The following DIPK1C variants were observed in gnomAD, a reference collection of about 807,000 sequenced individuals.
The protein encoded by DIPK1C is divergent protein kinase domain 1C.
DIPK1C carries 33 observed loss-of-function variants against 28.0 expected under a neutral mutation model. The observed-to-expected ratio is 1.18, with a 90% confidence interval of 0.89 to 1.58. DIPK1C has a LOEUF of 1.58. DIPK1C is among the 40% of genes most tolerant of loss of function. The probability of loss-of-function intolerance (pLI) is 0.00; values close to 1 mark genes in which losing one functional copy is unlikely to be tolerated. For missense variants in DIPK1C, 569 were observed against 568.5 expected (o/e 1.00, Z -0.01); for synonymous variants, 255 against 248.8 (o/e 1.02, Z -0.23).
At chr18:74,453,093 C>T (rs1476653214) in intron 1 of DIPK1C, among the ~76,000 whole-genome samples, 2 of 152,098 alleles carry the variant, frequency 1.3e-5, no homozygotes, top group East Asian at 3.8e-4. Context: ...ATGCACATTC[C>T]CATCAAATCA....
chr18:74,455,926 T>TA (rs1986502438), intron 1 of DIPK1C, among the ~76,000 whole-genome samples: 1 of 152,098 alleles, frequency 6.6e-6, no homozygotes, highest in Non-Finnish European at 1.5e-5. Flanking sequence ...CTCATTTTTT[T>TA]AAAAAACAAT....
chr18:74,460,190 T>C (rs1487105514), upstream of DIPK1C, among the ~76,000 whole-genome samples: 1 of 152,200 alleles, frequency 6.6e-6, no homozygotes, highest in African/African-American at 2.4e-5. Flanking sequence ...AGTTCCCGAC[T>C]TTCCAATTAC....
At chr18:74,459,795 T>G (rs1986590153), upstream of DIPK1C, among the ~76,000 whole-genome samples, 1 of 151,944 alleles carries the variant, frequency 6.6e-6, no homozygotes, top group Non-Finnish European at 1.5e-5. Context: ...ACAGGAGAAA[T>G]TTGCCGTTTC....
chr18:74,444,834 G>T (rs1295844727), intron 2 of DIPK1C, among the ~76,000 whole-genome samples: 1 of 152,170 alleles, frequency 6.6e-6, no homozygotes, highest in Non-Finnish European at 1.5e-5. Context: ...CTGGGGCTAG[G>T]TTGAGGACGC....
chr18:74,450,210 CA>C (rs948824654), intron 1 of DIPK1C, among the ~76,000 whole-genome samples: 5 of 151,338 alleles, frequency 3.3e-5, no homozygotes, highest in Non-Finnish European at 7.4e-5. Flanking sequence ...TAAGAAAGTG[CA>C]AAAAAAATTG....
upstream of DIPK1C, among the ~76,000 whole-genome samples, chr18:74,459,128 C>T (rs964168179): frequency 3.9e-5 from 6 of 152,226 alleles, 1 homozygote; most frequent in African/African-American, 1.4e-4. Flanking sequence ...AAATCTCAAC[C>T]TGATGTGAAG....
chr18:74,449,552 G>C (rs1302047824), intron 1 of DIPK1C, among the ~76,000 whole-genome samples: 1 of 152,200 alleles, frequency 6.6e-6, no homozygotes, highest in African/African-American at 2.4e-5. Context: ...TGCCCCCCTG[G>C]CTTCCTGCTG....
At chr18:74,461,240 C>G (rs1986611668), upstream of DIPK1C, among the ~76,000 whole-genome samples, 2 of 152,200 alleles carry the variant, frequency 1.3e-5, no homozygotes, top group Admixed American at 1.3e-4. Context: ...AGGACAACAG[C>G]TCTTGCCCCT....
chr18:74,454,408 C>T (rs1447185025), intron 1 of DIPK1C, among the ~76,000 whole-genome samples: 1 of 152,196 alleles, frequency 6.6e-6, no homozygotes, highest in Non-Finnish European at 1.5e-5. Flanking sequence ...TGGGTTCACC[C>T]CTGCCAGGCC....
At chr18:74,459,276 T>C (rs1404764113), upstream of DIPK1C, among the ~76,000 whole-genome samples, 1 of 152,048 alleles carries the variant, frequency 6.6e-6, no homozygotes, top group Non-Finnish European at 1.5e-5. Flanking sequence ...GAACTTGAAA[T>C]CAAAATTAAC....
chr18:74,450,473 G>A (rs1986373822), intron 1 of DIPK1C, among the ~76,000 whole-genome samples: 1 of 152,180 alleles, frequency 6.6e-6, no homozygotes, highest in African/African-American at 2.4e-5. Context: ...GGGGAGATGT[G>A]GTCCTGGTTG....
At position 74,447,563 on chromosome 18, in the gene DIPK1C, C is replaced by A. The variant is rs1039747844; in HGVS notation, c.199-280G>T. 1.3e-5 allele frequency among the ~76,000 whole-genome samples: 2 copies of A among 152,212 alleles called. No individual in the cohort carries two copies. The highest frequency in any genetic ancestry group is 2.9e-5 in the Non-Finnish European group (2 of 68,036). ...GCGGCCGGGAAGCACGACTTCCCAT[C>A]GTTCAGCTGGGTGACTCCGGGAAAG... On this transcript the variant is annotated intron_variant, in intron 1 of 3. Transcript: ENST00000343998. The surrounding 1 kb of genome is among the most constrained non-coding windows in gnomAD (Gnocchi z 4.1).
At chr18:74,463,977 G>A in the DIPK1C span, among the ~76,000 whole-genome samples, 1 of 152,214 alleles carries the variant, frequency 6.6e-6, no homozygotes, top group African/African-American at 2.4e-5. Context: ...ATCTCTTAAA[G>A]ATTCTGATGG....
chr18:74,447,286 G>A lies in DIPK1C; in HGVS notation c.199-3C>T. ...GTGCCGCCCTGGTAGTCCTGGCACT[G>A]GAAGGAAGGGAACAGTCGGTCACCA... On this transcript the variant is annotated splice_region_variant and splice_polypyrimidine_tract_variant and intron_variant, in intron 1 of 3. Transcript: ENST00000343998. The surrounding 1 kb of genome is among the most constrained non-coding windows in gnomAD (Gnocchi z 4.1). 1 of 1,523,096 alleles carries A rather than the reference G, an allele frequency of 6.6e-7. No homozygotes were observed. The highest frequency in any genetic ancestry group is 1.4e-5 in the African/African-American group (1 of 72,830). The allele number at this position is 1,523,096 out of a possible 1,614,324, so 94.3% of individuals were successfully genotyped here. A position where few individuals can be genotyped will look rare whatever the true frequency, so the allele number is the denominator to read the frequency against.
intron 3 of DIPK1C, among the ~76,000 whole-genome samples, chr18:74,440,134 C>T (rs933446240): frequency 6.6e-5 from 10 of 151,894 alleles, no homozygotes; most frequent in Admixed American, 6.6e-5. Context: ...TTAACAGAGA[C>T]GGGGTTTCAC....
At chr18:74,436,787 G>T in intron 3 of DIPK1C, 68 bp from the exon 4 acceptor site, 1 of 1,421,746 alleles carries the variant, frequency 7.0e-7, no homozygotes. Context: ...CCAAGCCCAG[G>T]ATTGGTTCTG....
Position 74,436,342 on chromosome 18 carries a change from A to G in DIPK1C, c.*159T>C. 1 of 696,676 alleles carries G rather than the reference A, an allele frequency of 1.4e-6. No homozygotes were observed. The highest frequency in any genetic ancestry group is 2.3e-6 in the Non-Finnish European group (1 of 425,942). The allele number at this position is 696,676 out of a possible 1,614,324, so 43.2% of individuals were successfully genotyped here. A position where few individuals can be genotyped will look rare whatever the true frequency, so the allele number is the denominator to read the frequency against. On this transcript the variant is annotated 3_prime_UTR_variant, in exon 4 of 4. Coordinates refer to ENST00000343998, the MANE Select transcript of DIPK1C (RefSeq NM_001044369.3). ...GGCCAGGGTGGGACGAGAGCGAGGGAGCACTGTCTCTGGCAGCAGCACTTG... is the reference window on the plus strand; with the variant it reads ...GGCCAGGGTGGGACGAGAGCGAGGGGGCACTGTCTCTGGCAGCAGCACTTG...
rs377030400 is a variant in DIPK1C, at chr18:74,451,229, C to A, written c.199-3946G>T. Among the ~76,000 whole-genome samples, 7 of 152,346 alleles carry A rather than the reference C, an allele frequency of 4.6e-5. No individual in the cohort carries two copies. In the East Asian group the frequency reaches 9.6e-4, roughly 21 times the overall value. On this transcript the variant is annotated intron_variant, in intron 1 of 3. Coordinates refer to ENST00000343998, the MANE Select transcript of DIPK1C (RefSeq NM_001044369.3). The stretch of plus-strand genomic sequence containing the variant: ...CCCTGTGTGTTCAGAGAACCAGAAA[C>A]AGCCCCTGGGAGGAGAGGGCACAGT...
In DIPK1C at chr18:74,446,991, G is replaced by T. The variant is rs1169815699; in HGVS notation, c.491C>A (p.Ser164Tyr). 1 of 1,526,268 alleles carries T rather than the reference G, an allele frequency of 6.6e-7. No homozygotes were observed. Among genetic ancestry groups the T allele is most frequent in the East Asian group, 2.5e-5 (1 of 40,456 alleles). 94.5% of individuals were successfully genotyped at this position (1,526,268 alleles called of 1,614,324 possible). A position where few individuals can be genotyped will look rare whatever the true frequency, so the allele number is the denominator to read the frequency against. ...CCACCACGGCCCCAGGCTGCTGTTGGACAACTCCAGGCCCAGAGCGCTCTT... is the reference window on the plus strand; with the variant it reads ...CCACCACGGCCCCAGGCTGCTGTTGTACAACTCCAGGCCCAGAGCGCTCTT... The part of the protein sequence containing the change: ...EVKSALGLEL[S>Y]NSSLGPWWPG... The change falls in exon 2 of 4, where the codon TCC becomes TAC. Residue 164 changes from serine to tyrosine, a missense_variant. Physicochemically the swap from Ser to Tyr is moderately radical, Grantham distance 144 (BLOSUM62 -2). Transcript: ENST00000343998.
Sources: allele counts gnomAD v4.1 joint callset (sites outside exome capture counted in the v4.1 genomes callset), GRCh38; gene constraint gnomAD v4.1.1; non-coding constraint Gnocchi (gnomAD v3.1); transcripts MANE v1.5; gene names NCBI Gene and HGNC (gene_info 2026-07-23, HGNC 2026-07-21).